The following NMRK1 variants were observed in gnomAD, a reference collection of about 807,000 sequenced individuals.
NMRK1 encodes the protein NRK 1.
NMRK1 carries 28 observed loss-of-function variants against 29.9 expected under a neutral mutation model. The ratio of observed to expected loss-of-function variants is 0.94; its 90% CI spans 0.69 to 1.28. The LOEUF is 1.28. Ranked by LOEUF, NMRK1 falls within the 50% of genes most tolerant of loss-of-function variation. NMRK1 has a pLI of 0.00. For synonymous variants in NMRK1, 58 were observed against 73.0 expected, an observed-to-expected ratio of 0.79 and a Z score of 1.05; for missense variants, 218 against 233.1, an observed-to-expected ratio of 0.94 and a Z score of 0.42.
intron 7 of NMRK1, among the ~76,000 whole-genome samples, chr9:75,067,564 A>G (rs1252278958): frequency 6.6e-6 from 1 of 152,188 alleles, no homozygotes; most frequent in Non-Finnish European, 1.5e-5. Context: ...ATTTTAGAGC[A>G]AGGGTGTACC....
chr9:75,062,647 GCA>G (rs1261319835), intron 8 of NMRK1, among the ~76,000 whole-genome samples: 2 of 152,196 alleles, frequency 1.3e-5, no homozygotes, highest in African/African-American at 4.8e-5. Flanking sequence ...GATGTGAACA[GCA>G]AAAAGACTGG....
At chr9:75,063,058 C>T (rs979021403) in intron 8 of NMRK1, among the ~76,000 whole-genome samples, 2 of 151,162 alleles carry the variant, frequency 1.3e-5, no homozygotes, top group African/African-American at 4.9e-5. Context: ...CACCTGTAAT[C>T]CCAGCATTTT....
Position 75,069,968 on chromosome 9 carries a change from C to G in NMRK1, c.244G>C (p.Val82Leu), listed in dbSNP as rs932123081. 5.0e-6 allele frequency: 8 copies of G among 1,613,876 alleles called. No individual in the cohort carries two copies. The African/African-American group carries it at 1.1e-4, about 22-fold the overall frequency. ...TCAGCACTTTCCTGGTCTGTTGATA[C>G]CACAGAGTGTCTTGCGCTTTCCATC... ...CWMESARHSV[V>L]STDQESAEEI... Residue 82 changes from valine to leucine, a missense_variant, in exon 5 of 9, where the codon GTA becomes CTA. Val to Leu is a conservative substitution (Grantham distance 32). Coordinates refer to ENST00000361092, the MANE Select transcript of NMRK1 (RefSeq NM_017881.3).
chr9:75,066,277 A>C (rs10869492), intron 8 of NMRK1: 82,374 of 517,676 alleles, frequency 0.16, 7,427 homozygotes, highest in Non-Finnish European at 0.19. Flanking sequence ...TCACTTGCAA[A>C]CAGTGCCGTC....
chr9:75,079,851 C>T (rs952761520), intron 2 of NMRK1, among the ~76,000 whole-genome samples: 2 of 152,178 alleles, frequency 1.3e-5, no homozygotes, highest in African/African-American at 4.8e-5. Flanking sequence ...CTATGGCACG[C>T]CCACAACCAC....
At chr9:75,082,830 G>A (rs1824394769) in intron 2 of NMRK1, 5 of 501,826 alleles carry the variant, frequency 1.0e-5, no homozygotes, top group Non-Finnish European at 1.4e-5. Context: ...CCTTGTCTCT[G>A]GTGTTAGCTC....
chr9:75,069,211 G>C, intron 6 of NMRK1, 109 bp from the exon 7 acceptor site: 1 of 733,102 alleles, frequency 1.4e-6, no homozygotes, highest in Admixed American at 2.4e-5. Flanking sequence ...AATCTAAACA[G>C]GATTAGGACT....
At chr9:75,067,369 G>A (rs532926281) in intron 7 of NMRK1, among the ~76,000 whole-genome samples, 1 of 152,114 alleles carries the variant, frequency 6.6e-6, no homozygotes, top group South Asian at 2.1e-4. Context: ...TGCTATCAGA[G>A]AAAAGACGTA....
intron 8 of NMRK1, among the ~76,000 whole-genome samples, chr9:75,064,232 A>G (rs1211734580): frequency 2.6e-5 from 4 of 152,320 alleles, no homozygotes; most frequent in South Asian, 4.1e-4. Flanking sequence ...TAGGTAGATC[A>G]TAAGGCCAAA....
chr9:75,076,553 T>C (rs1037743871), intron 4 of NMRK1, among the ~76,000 whole-genome samples: 1 of 151,918 alleles, frequency 6.6e-6, no homozygotes, highest in African/African-American at 2.4e-5. Context: ...AGAAGAAAAA[T>C]CTATCATTTC....
intron 4 of NMRK1, among the ~76,000 whole-genome samples, chr9:75,072,635 T>C (rs1823764315): frequency 6.6e-6 from 1 of 152,212 alleles, no homozygotes; most frequent in Non-Finnish European, 1.5e-5. Flanking sequence ...TCATTATACT[T>C]TTCTGCTGAC....
intron 8 of NMRK1, chr9:75,066,415 A>C (rs1823352599): frequency 2.5e-6 from 1 of 399,458 alleles, no homozygotes; most frequent in Non-Finnish European, 4.8e-6. Context: ...GGAGCTCTGG[A>C]CATACTAAAA....
At chr9:75,078,326 C>T in intron 2 of NMRK1, 1 of 1,568,326 alleles carries the variant, frequency 6.4e-7, no homozygotes. Context: ...GCCCACCTAC[C>T]ATGAAATCAC....
chr9:75,065,259 C>G (rs2002989), intron 8 of NMRK1, among the ~76,000 whole-genome samples: 19,143 of 152,034 alleles, frequency 0.13, 1,554 homozygotes, highest in Admixed American at 0.18. Context: ...AATGTCTGCC[C>G]CCGGAGTTCA....
rs943241204 is a variant in NMRK1 at position 75,066,597 on chromosome 9, C to A, written c.580+160G>T. Among the ~76,000 whole-genome samples the A allele has an allele frequency of 7.4e-4, 113 of 152,046 alleles. 2 individuals are homozygous for A. The highest frequency in any genetic ancestry group is 1.5e-3 in the South Asian group (7 of 4,822). ...GACAAAATAATTGAGTCTCCAAACC[C>A]CCCCCCAGAATTTCTGATTCTGAAT... On this transcript the variant is annotated intron_variant, in intron 8 of 8. Coordinates refer to ENST00000361092, the MANE Select transcript of NMRK1 (RefSeq NM_017881.3).
At chr9:75,076,914 T>C (rs1824023829) in intron 4 of NMRK1, among the ~76,000 whole-genome samples, 1 of 152,192 alleles carries the variant, frequency 6.6e-6, no homozygotes, top group Non-Finnish European at 1.5e-5. Flanking sequence ...CAGTTTTAAA[T>C]ATAAAACTGG....
intron 7 of NMRK1, 159 bp from the exon 8 acceptor site, chr9:75,066,999 A>T (rs1248852149): frequency 1.9e-6 from 1 of 523,334 alleles, no homozygotes; most frequent in Non-Finnish European, 3.4e-6. Flanking sequence ...AGAAAGAAAT[A>T]GATGCTAGCC....
At chr9:75,070,122 G>A (rs1823617322) in intron 4 of NMRK1, 80 bp from the exon 5 acceptor site, 11 of 1,094,360 alleles carry the variant, frequency 1.0e-5, no homozygotes, top group Non-Finnish European at 1.4e-5. Context: ...AGTATATCCA[G>A]GATTCTGTAA....
intron 8 of NMRK1, among the ~76,000 whole-genome samples, chr9:75,064,526 G>A (rs1258087498): frequency 1.3e-5 from 2 of 152,194 alleles, no homozygotes; most frequent in African/African-American, 2.4e-5. Context: ...ACAGATGGCA[G>A]GAGTGGGCGG....
Sources: allele counts gnomAD v4.1 joint callset (sites outside exome capture counted in the v4.1 genomes callset), GRCh38; gene constraint gnomAD v4.1.1; transcripts MANE v1.5; gene names NCBI Gene and HGNC (gene_info 2026-07-23, HGNC 2026-07-21).